The following GRK5 variants were observed in gnomAD, a reference collection of about 807,000 sequenced individuals.
GRK5 encodes the protein g protein-coupled receptor kinase GRK5.
Under a neutral mutation model 78.4 loss-of-function variants are expected in GRK5, and 40 were observed. That is an observed-to-expected ratio of 0.51 (90% CI 0.40 to 0.66). The LOEUF (loss-of-function observed/expected upper bound fraction) is 0.66. Among genes scored for constraint, GRK5 ranks in the 30% least tolerant of loss-of-function variants. The probability of loss-of-function intolerance (pLI) is 0.00; values close to 1 mark genes in which losing one functional copy is unlikely to be tolerated. For synonymous variants in GRK5, 289 were observed against 296.8 expected, an observed-to-expected ratio of 0.97 and a Z score of 0.27; for missense variants, 598 against 759.9, an observed-to-expected ratio of 0.79 and a Z score of 2.50.
intron 1 of GRK5, among the ~76,000 whole-genome samples, chr10:119,241,283 T>C (rs192682956): frequency 5.3e-5 from 8 of 152,266 alleles, no homozygotes; most frequent in African/African-American, 1.7e-4. Flanking sequence ...GTCCCTGTGC[T>C]CATAGACTGC....
chr10:119,268,663 C>T (rs950086234), intron 1 of GRK5, among the ~76,000 whole-genome samples: 6 of 152,222 alleles, frequency 3.9e-5, no homozygotes, highest in African/African-American at 1.4e-4. Context: ...TAAATGCTGA[C>T]CAAGTGTTTG....
chr10:119,411,358 A>G (rs1195148302), intron 4 of GRK5, among the ~76,000 whole-genome samples: 2 of 152,176 alleles, frequency 1.3e-5, no homozygotes, highest in Non-Finnish European at 2.9e-5. Context: ...CAGACACACA[A>G]GACTCCAGAG....
At chr10:119,401,630 G>A (rs1158945535) in intron 4 of GRK5, among the ~76,000 whole-genome samples, 1 of 152,224 alleles carries the variant, frequency 6.6e-6, no homozygotes, top group South Asian at 2.1e-4. Flanking sequence ...ATAAATAAAA[G>A]CAGCAAGTAC....
chr10:119,339,531 TG>T lies in GRK5; in HGVS notation c.148+12926del, dbSNP rs777156834. 6.1e-4 allele frequency among the ~76,000 whole-genome samples: 92 copies of T among 151,338 alleles called. 2 individuals carry two copies. Among genetic ancestry groups the T allele is most frequent in the East Asian group, 3.1e-3 (16 of 5,142 alleles). ...AGAGCTAGTACCCGAAAGGCAGGAG[TG>T]GGGGGTTGCAGGGAAGAAAAGCCAT... On this transcript the variant is annotated intron_variant, in intron 2 of 15. Coordinates refer to ENST00000392870, the MANE Select transcript of GRK5 (RefSeq NM_005308.3).
intron 2 of GRK5, among the ~76,000 whole-genome samples, chr10:119,357,223 T>C (rs910513584): frequency 1.3e-5 from 2 of 152,258 alleles, no homozygotes; most frequent in Non-Finnish European, 2.9e-5. Context: ...TAAGTGCAGA[T>C]GAAGCTTGTT....
intron 4 of GRK5, among the ~76,000 whole-genome samples, chr10:119,402,897 A>G (rs1423572146): frequency 6.6e-6 from 1 of 152,210 alleles, no homozygotes; most frequent in Non-Finnish European, 1.5e-5. Context: ...TTTTTTTGAG[A>G]TCTATTGGTA....
chr10:119,433,536 A>T (rs756897259), intron 8 of GRK5, among the ~76,000 whole-genome samples: 1 of 152,104 alleles, frequency 6.6e-6, no homozygotes, highest in Non-Finnish European at 1.5e-5. Flanking sequence ...ACCTGGGCAG[A>T]TGTGGGAGAA....
At chr10:119,404,599 A>G (rs901607215) in intron 4 of GRK5, among the ~76,000 whole-genome samples, 1 of 152,212 alleles carries the variant, frequency 6.6e-6, no homozygotes, top group African/African-American at 2.4e-5. Context: ...AGAAGGCCTC[A>G]GTTTTTGAAG....
chr10:119,238,621 G>A lies in GRK5; in HGVS notation c.52+30652G>A, dbSNP rs964801480. Among the ~76,000 whole-genome samples the A allele has an allele frequency of 1.3e-5, 2 of 152,304 alleles. No homozygotes were observed. The highest frequency in any genetic ancestry group is 4.8e-5 in the African/African-American group (2 of 41,568). ...CTCTTAGACATGTAGGGTTCGCGCCGTTGACCTGAGCTTCAGTGCCAGAGA... is the reference window on the plus strand; with the variant it reads ...CTCTTAGACATGTAGGGTTCGCGCCATTGACCTGAGCTTCAGTGCCAGAGA... On this transcript the variant is annotated intron_variant, in intron 1 of 15. Transcript: ENST00000392870. This position sits in a 1 kb window ranked among gnomAD's most constrained non-coding sequence, Gnocchi z 4.7.
intron 1 of GRK5, among the ~76,000 whole-genome samples, chr10:119,232,947 G>A (rs1178134116): frequency 6.6e-6 from 1 of 152,168 alleles, no homozygotes; most frequent in Admixed American, 6.5e-5. Context: ...CCATAAATAC[G>A]TAGTTATGTG....
At chr10:119,425,406 C>T (rs1249876142) in intron 6 of GRK5, among the ~76,000 whole-genome samples, 2 of 152,184 alleles carry the variant, frequency 1.3e-5, no homozygotes, top group Non-Finnish European at 2.9e-5. Context: ...GTTGCACATC[C>T]TTGATTTAAT....
At chr10:119,265,297 C>T (rs1026786259) in intron 1 of GRK5, among the ~76,000 whole-genome samples, 2 of 152,120 alleles carry the variant, frequency 1.3e-5, no homozygotes, top group East Asian at 3.8e-4. Context: ...TTGCTGAGGC[C>T]CCCCCGCAGG....
intron 2 of GRK5, among the ~76,000 whole-genome samples, chr10:119,345,685 G>T (rs902046852): frequency 6.6e-6 from 1 of 152,138 alleles, no homozygotes; most frequent in Non-Finnish European, 1.5e-5. Flanking sequence ...CACTGCCTAT[G>T]GTTCCTTCAC....
At chr10:119,315,139 G>T (rs564926668) in intron 1 of GRK5, among the ~76,000 whole-genome samples, 58 of 152,310 alleles carry the variant, frequency 3.8e-4, no homozygotes, top group African/African-American at 1.4e-3. Context: ...AGGCCAGAGG[G>T]GTGGTGCTTT....
At chr10:119,432,975 G>A (rs1158288651) in intron 8 of GRK5, among the ~76,000 whole-genome samples, 1 of 152,202 alleles carries the variant, frequency 6.6e-6, no homozygotes, top group African/African-American at 2.4e-5. Context: ...GGAGGCTGAG[G>A]CATGAGAATC....
chr10:119,292,125 CTCA>C lies in GRK5; in HGVS notation c.53-34388_53-34386del, dbSNP rs1160355560. On this transcript the variant is annotated intron_variant, in intron 1 of 15. Coordinates refer to ENST00000392870, the MANE Select transcript of GRK5 (RefSeq NM_005308.3). ...CCTCCTTCTCCTCTTCCTCCCTCTC[CTCA>C]TCTTCCTCCTTCTCCTCCTCTTCCT... Among the ~76,000 whole-genome samples the C allele has an allele frequency of 3.3e-3, 64 of 19,274 alleles. 3 individuals are homozygous for C. The highest frequency in any genetic ancestry group is 0.022 in the East Asian group (3 of 136). 12.6% of individuals were successfully genotyped at this position (19,274 alleles called of 152,430 possible). A position where few individuals can be genotyped will look rare whatever the true frequency, so the allele number is the denominator to read the frequency against.
At chr10:119,286,052 C>T (rs1408159169) in intron 1 of GRK5, among the ~76,000 whole-genome samples, 2 of 151,412 alleles carry the variant, frequency 1.3e-5, no homozygotes, top group Admixed American at 6.6e-5. Flanking sequence ...GAATGTTTTA[C>T]TTTCATTTTT....
intron 3 of GRK5, among the ~76,000 whole-genome samples, chr10:119,390,680 G>A (rs1851875717): frequency 6.6e-6 from 1 of 152,194 alleles, no homozygotes; most frequent in South Asian, 2.1e-4. Context: ...GGGCAACAGA[G>A]TGAGACTCCA....
intron 1 of GRK5, among the ~76,000 whole-genome samples, chr10:119,220,332 G>T (rs1264121975): frequency 2.0e-5 from 3 of 152,110 alleles, no homozygotes; most frequent in Non-Finnish European, 4.4e-5. Flanking sequence ...CAATTAGAGG[G>T]ATTTTTACAA....
Sources: gnomAD v4.1 joint callset for allele counts (sites outside exome capture counted in the v4.1 genomes callset) on GRCh38, gnomAD v4.1.1 for gene constraint, Gnocchi (gnomAD v3.1) non-coding constraint, MANE v1.5 for transcripts, NCBI Gene and HGNC (gene_info 2026-07-23, HGNC 2026-07-21) for gene names.